SCUBE1: variants seen among roughly 807,000 people sequenced by gnomAD.
The protein encoded by SCUBE1 is signal peptide, CUB and EGF-like domain-containing protein 1.
A neutral mutation model predicts 124.4 loss-of-function variants in SCUBE1; 59 were observed. That is an observed-to-expected ratio of 0.47 (90% confidence interval 0.38 to 0.59). SCUBE1 has a LOEUF of 0.59. Ranked by LOEUF, SCUBE1 falls within the 20% of genes least tolerant of loss-of-function variation. The pLI is 0.00. For synonymous variants in SCUBE1, 545 were observed against 550.9 expected (o/e 0.99, Z 0.15); for missense variants, 1,150 against 1,371.2 (o/e 0.84, Z 2.55).
chr22:43,208,687 T>C lies in SCUBE1; in HGVS notation c.2582-463A>G, dbSNP rs61704274. Among the ~76,000 whole-genome samples the C allele has an allele frequency of 5.8e-3, 886 of 152,218 alleles. 4 individuals carry two copies. The highest frequency in any genetic ancestry group is 0.02 in the African/African-American group (832 of 41,532). ...GGACCAGAGGCACAGACTTGGGAAG[T>C]CCCTTCTCCCCGAGAGCAAATACAC... On this transcript the variant is annotated intron_variant, in intron 19 of 21. Coordinates refer to ENST00000360835, the MANE Select transcript of SCUBE1 (RefSeq NM_173050.5).
At chr22:43,207,683 C>T in intron 20 of SCUBE1, 70 bp from the exon 21 acceptor site, 2 of 1,177,432 alleles carry the variant, frequency 1.7e-6, no homozygotes, top group Admixed American at 1.7e-5. Context: ...CTTTCACCTC[C>T]AGCCTCTGCC....
intron 2 of SCUBE1, among the ~76,000 whole-genome samples, chr22:43,322,995 C>A (rs1357591772): frequency 6.6e-6 from 1 of 152,146 alleles, no homozygotes; most frequent in Non-Finnish European, 1.5e-5. Flanking sequence ...TGCTCAGGGT[C>A]ACATAGTAAG....
In SCUBE1 at chr22:43,255,550, GAGC is replaced by G. The variant is rs1923625244; in HGVS notation, c.727+2666_727+2668del. Reference sequence around the variant, plus strand: ...AGCTACTGACGTGGCATTGAACTGAGAGCGCTCAATTGCAGCCTCATCCTTCTC... The same window carrying G: ...AGCTACTGACGTGGCATTGAACTGAGGCTCAATTGCAGCCTCATCCTTCTC... On this transcript the variant is annotated intron_variant, in intron 6 of 21. Transcript: ENST00000360835. The surrounding 1 kb of genome is among the most constrained non-coding windows in gnomAD (Gnocchi z 4.7). The G allele has an allele frequency of 6.4e-7, 1 of 1,550,464 alleles. No individual in the cohort carries two copies. The highest frequency in any genetic ancestry group is 1.2e-5 in the South Asian group (1 of 84,058).
At chr22:43,246,563 G>A (rs1053227219) in intron 6 of SCUBE1, among the ~76,000 whole-genome samples, 8 of 152,218 alleles carry the variant, frequency 5.3e-5, no homozygotes, top group Admixed American at 1.3e-4. Flanking sequence ...GGGAAGGGGT[G>A]TAGGATAGAG....
chr22:43,291,472 T>A (rs1925354763), intron 3 of SCUBE1, among the ~76,000 whole-genome samples: 1 of 27,474 alleles, frequency 3.6e-5, no homozygotes, highest in Admixed American at 6.1e-4. Context: ...CGCGCTGTGC[T>A]ACAGTGGTAC....
In SCUBE1 at chr22:43,239,638, G is replaced by C. The variant is rs191870568; in HGVS notation, c.728-684C>G. Among the ~76,000 whole-genome samples the C allele has an allele frequency of 3.3e-3, 496 of 152,374 alleles. 4 individuals carry two copies. The highest frequency in any genetic ancestry group is 4.4e-3 in the Non-Finnish European group (298 of 68,038). The stretch of plus-strand genomic sequence containing the variant: ...TCATTGAAGCCGTCATGCCGTGAGT[G>C]AGCCCCCTCAGGCCTGGAGGAGGGG... On this transcript the variant is annotated intron_variant, in intron 6 of 21. Transcript: ENST00000360835.
At chr22:43,236,270 G>C (rs1316897842) in intron 7 of SCUBE1, among the ~76,000 whole-genome samples, 1 of 152,204 alleles carries the variant, frequency 6.6e-6, no homozygotes, top group Non-Finnish European at 1.5e-5. Flanking sequence ...CCCTGGGGCT[G>C]GAGGCCACCG....
rs533487693 is a variant in SCUBE1, at chr22:43,269,718, G to C, written c.485-6873C>G. On this transcript the variant is annotated intron_variant, in intron 4 of 21. Coordinates refer to ENST00000360835, the MANE Select transcript of SCUBE1 (RefSeq NM_173050.5). ...AGCCAAGAAAGAGCCTGGAGCCTTG[G>C]GGGTGGCAGGGGGAGGAGGCGGCTG... 7.9e-5 allele frequency among the ~76,000 whole-genome samples: 12 copies of C among 152,270 alleles called. No homozygotes were observed. In the East Asian group the frequency reaches 1.5e-3, roughly 20 times the overall value.
chr22:43,247,082 T>C (rs1228356970), intron 6 of SCUBE1, among the ~76,000 whole-genome samples: 3 of 152,230 alleles, frequency 2.0e-5, no homozygotes, highest in Admixed American at 6.5e-5. Context: ...TCCGGGCTTC[T>C]TGTCTCACTG....
At chr22:43,241,043 C>T (rs1922984486) in intron 6 of SCUBE1, among the ~76,000 whole-genome samples, 2 of 152,132 alleles carry the variant, frequency 1.3e-5, no homozygotes, top group South Asian at 4.1e-4. Context: ...GGTGCAGGCG[C>T]TAGGGGCAGT....
rs1416419397 is a variant in SCUBE1, at chr22:43,200,050, T to A, written c.*3947A>T. The A allele has an allele frequency of 6.6e-6, 1 of 152,284 alleles. No homozygotes were observed. Among genetic ancestry groups the A allele is most frequent in the East Asian group, 1.9e-4 (1 of 5,188 alleles). 9.4% of individuals were successfully genotyped at this position (152,284 alleles called of 1,614,324 possible). ...TGGGGCAGAAAGGTCCCCCCACGCC[T>A]GGGTCCCACCTGACTCCTGGGAAGC... On this transcript the variant is annotated 3_prime_UTR_variant, in exon 22 of 22. Transcript: ENST00000360835.
chr22:43,208,002 G>T, intron 20 of SCUBE1, 70 bp downstream of exon 20: 2 of 1,554,490 alleles, frequency 1.3e-6, no homozygotes, highest in Admixed American at 1.7e-5. Flanking sequence ...GGGGACGTGC[G>T]ACTCATCTCT....
At chr22:43,294,204 G>A (rs1229582640) in intron 3 of SCUBE1, among the ~76,000 whole-genome samples, 2 of 152,192 alleles carry the variant, frequency 1.3e-5, no homozygotes, top group Admixed American at 6.5e-5. Flanking sequence ...CCTCACCCCC[G>A]GCCCCCGAGG....
intron 7 of SCUBE1, chr22:43,238,476 A>G (rs1922859083): frequency 3.5e-6 from 2 of 569,868 alleles, no homozygotes; most frequent in Admixed American, 6.2e-5. Context: ...GCTACATTCT[A>G]CGCGCCTTGG....
chr22:43,231,387 C>T (rs772549354), intron 8 of SCUBE1, among the ~76,000 whole-genome samples: 5 of 152,194 alleles, frequency 3.3e-5, no homozygotes, highest in Non-Finnish European at 5.9e-5. Flanking sequence ...TGTTTGAGAG[C>T]GCCTGCCTGC....
At chr22:43,291,558 C>T (rs531242253) in intron 3 of SCUBE1, among the ~76,000 whole-genome samples, 38 of 152,172 alleles carry the variant, frequency 2.5e-4, no homozygotes, top group African/African-American at 7.9e-4. Context: ...TACAGTGGCA[C>T]GGTGGGCCCC....
At chr22:43,241,911 C>A (rs1238803715) in intron 6 of SCUBE1, among the ~76,000 whole-genome samples, 1 of 152,258 alleles carries the variant, frequency 6.6e-6, no homozygotes, top group Non-Finnish European at 1.5e-5. Flanking sequence ...GTGGAGGGAG[C>A]AGTCTGGCCT....
At chr22:43,231,987 T>G in intron 7 of SCUBE1, 112 bp from the exon 8 acceptor site, 2 of 1,315,800 alleles carry the variant, frequency 1.5e-6, no homozygotes, top group Non-Finnish European at 2.1e-6. Context: ...AGTTGCCTGG[T>G]GCCCACTTCC....
At chr22:43,224,350 C>T (rs1166614208) in intron 10 of SCUBE1, among the ~76,000 whole-genome samples, 1 of 152,242 alleles carries the variant, frequency 6.6e-6, no homozygotes, top group Non-Finnish European at 1.5e-5. Context: ...GGAGCAAGAC[C>T]TTGTGTTCGG....
Sources: gnomAD v4.1 joint callset for allele counts (sites outside exome capture counted in the v4.1 genomes callset) on GRCh38, gnomAD v4.1.1 for gene constraint, Gnocchi (gnomAD v3.1) non-coding constraint, MANE v1.5 for transcripts, NCBI Gene and HGNC (gene_info 2026-07-23, HGNC 2026-07-21) for gene names.